PRB4: variants seen among roughly 807,000 people sequenced by gnomAD.
PRB4 encodes basic salivary proline-rich protein 4.
Under a neutral mutation model 9.1 loss-of-function variants are expected in PRB4, and 14 were observed. The ratio of observed to expected loss-of-function variants is 1.54; its 90% confidence interval spans 1.02 to 2.41. The LOEUF is 2.41. PRB4 is among the 30% of genes most tolerant of loss of function. The pLI is 0.00. For synonymous variants in PRB4, 102 were observed against 108.5 expected (o/e 0.94, Z 0.37); for missense variants, 381 against 299.3 (o/e 1.27, Z -2.02).
At position 11,308,870 on chromosome 12, in the gene PRB4, C is replaced by T. The variant is rs150367358; in HGVS notation, c.113G>A (p.Gly38Glu). ...CTGGTTTCCTCCTTGTGGGCGTCGT[C>T]CTTCTGGCTTTCCTGGAGGAGGTGG... is the stretch of plus-strand genomic sequence containing the variant. ...SLFLISGKPE[G>E]RRPQGGNQPQ... Residue 38 changes from glycine (G) to glutamate (E), a missense_variant, in exon 3 of 4, where the codon GGA becomes GAA. Gly to Glu is a moderately conservative substitution (Grantham distance 98, BLOSUM62 -2). Around this residue, in one of 3 missense-constraint regions of PRB4, gnomAD observed 151 missense variants for 105.8 expected, o/e 1.43. Coordinates refer to ENST00000279575, the MANE Select transcript of PRB4 (RefSeq NM_002723.6). 1,036 of 1,562,404 alleles carry T rather than the reference C, an allele frequency of 6.6e-4. 1 individual carries two copies. Among genetic ancestry groups the T allele is most frequent in the Non-Finnish European group, 8.5e-4 (976 of 1,146,072 alleles).
At chr12:11,308,975 A>T (rs1190124712) in intron 2 of PRB4, 93 bp from the exon 3 acceptor site, 6 of 1,527,882 alleles carry the variant, frequency 3.9e-6, no homozygotes, top group Non-Finnish European at 5.4e-6. Context: ...CAAAAATGAG[A>T]CCCAGATACT....
chr12:11,307,591 A>G (rs1446089859), intron 3 of PRB4, among the ~76,000 whole-genome samples: 2 of 152,212 alleles, frequency 1.3e-5, no homozygotes, highest in Non-Finnish European at 2.9e-5. Flanking sequence ...AAGTTATGGC[A>G]TTAGTGGTAG....
At chr12:11,309,479 A>T in intron 1 of PRB4, 74 bp from the exon 2 acceptor site, 1 of 1,612,894 alleles carries the variant, frequency 6.2e-7, no homozygotes. Flanking sequence ...TCTACAGGGA[A>T]AATTGTCTTC....
At position 11,307,595 on chromosome 12, in the gene PRB4, G is replaced by C. The variant is rs1457968603; in HGVS notation, c.*19-396C>G. On this transcript the variant is annotated intron_variant, in intron 3 of 3. Transcript: ENST00000279575. ...TACCTGCATATAAGTTATGGCATTAGTGGTAGGGTAAAAGAATGCTATATG... is the reference window on the plus strand; with the variant it reads ...TACCTGCATATAAGTTATGGCATTACTGGTAGGGTAAAAGAATGCTATATG... Among the ~76,000 whole-genome samples, 3 of 152,172 alleles carry C rather than the reference G, an allele frequency of 2.0e-5. No individual in the cohort carries two copies. The East Asian group carries it at 5.8e-4, about 29-fold the overall frequency.
chr12:11,307,792 G>A (rs984859356), intron 3 of PRB4, among the ~76,000 whole-genome samples: 1 of 152,142 alleles, frequency 6.6e-6, no homozygotes, highest in African/African-American at 2.4e-5. Context: ...GAAAAGTTAA[G>A]TATCTAAAAA....
chr12:11,308,376 G>T lies in PRB4; in HGVS notation c.607C>A (p.Pro203Thr). Residue 203 changes from proline (P) to threonine (T), a missense_variant, in exon 3 of 4, where the codon CCA becomes ACA. Transcript: ENST00000279575. ...CCTCCTGCTGGGGGTGGGCCTTGTG[G>T]CTTTCCAGGAGGTGGGGGACCTTGA... ...KPQGPPPPGK[P>T]QGPPPAGGNP... 2 of 1,602,332 alleles carry T rather than the reference G, an allele frequency of 1.2e-6. No homozygotes were observed. The highest frequency in any genetic ancestry group is 1.7e-6 in the Non-Finnish European group (2 of 1,170,526).
intron 1 of PRB4, 63 bp downstream of exon 1, chr12:11,310,272 A>T: frequency 1.3e-6 from 2 of 1,595,756 alleles, no homozygotes; most frequent in Non-Finnish European, 1.7e-6. Flanking sequence ...TCTTCCCCAT[A>T]ATTACCACTG....
chr12:11,309,373 A>G lies in PRB4; in HGVS notation c.97T>C (p.Ser33Pro), dbSNP rs1374852727. 2.5e-6 allele frequency: 4 copies of G among 1,614,016 alleles called. No homozygotes were observed. Among genetic ancestry groups the G allele is most frequent in the Non-Finnish European group, 2.5e-6 (3 of 1,179,982 alleles). The change falls in exon 2 of 4, where the codon TCA becomes CCA. Residue 33 changes from serine to proline, a missense_variant. By Grantham distance (74) the Ser-to-Pro change is moderately conservative (BLOSUM62 -1). Coordinates refer to ENST00000279575, the MANE Select transcript of PRB4 (RefSeq NM_002723.6). ...VSQEESLFLI[S>P]GKPEGRRPQG... ...TTGAGAATGAATTGGGATTTACCTG[A>G]TATTAGGAAGAGAGATTCTTCCTGG...
At chr12:11,310,314 C>CA (rs1191802123) in intron 1 of PRB4, 21 bp downstream of exon 1, 6 of 1,614,148 alleles carry the variant, frequency 3.7e-6, no homozygotes, top group Non-Finnish European at 5.1e-6. Flanking sequence ...GTCACCGCAT[C>CA]TTTTCCCCCT....
intron 2 of PRB4, 60 bp downstream of exon 2, chr12:11,309,310 T>C (rs1592189892): frequency 2.5e-6 from 4 of 1,612,742 alleles, no homozygotes; most frequent in Admixed American, 3.3e-5. Context: ...ACTGGAGAAA[T>C]GATCCATTTG....
Position 11,308,234 on chromosome 12 carries a change from C to T in PRB4, c.*5G>A. 3 of 1,609,124 alleles carry T rather than the reference C, an allele frequency of 1.9e-6. No individual in the cohort carries two copies. The highest frequency in any genetic ancestry group is 2.5e-6 in the Non-Finnish European group (3 of 1,178,086). On this transcript the variant is annotated 3_prime_UTR_variant, in exon 3 of 4. Coordinates refer to ENST00000279575, the MANE Select transcript of PRB4 (RefSeq NM_002723.6). ...GTGGAATCATACCTGTCATTGAATC[C>T]TAGATTACTGGGGAGGCTGTTGTCC...
intron 1 of PRB4, among the ~76,000 whole-genome samples, chr12:11,309,887 T>TAGTTAGAC (rs1349865791): frequency 6.6e-6 from 1 of 152,162 alleles, no homozygotes; most frequent in African/African-American, 2.4e-5. Flanking sequence ...TCTACATCTT[T>TAGTTAGAC]AGTTAGACAG....
intron 1 of PRB4, 80 bp downstream of exon 1, chr12:11,310,255 T>C: frequency 1.9e-6 from 3 of 1,568,114 alleles, no homozygotes; most frequent in Non-Finnish European, 2.6e-6. Context: ...GTGTTTTCAT[T>C]CTCCTCTCTT....
At chr12:11,310,140 G>C (rs368482474) in intron 1 of PRB4, among the ~76,000 whole-genome samples, 195 bp downstream of exon 1, 5 of 152,098 alleles carry the variant, frequency 3.3e-5, no homozygotes, top group Non-Finnish European at 7.4e-5. Flanking sequence ...GAACAAATTC[G>C]TTATTGGATT....
At position 11,308,282 on chromosome 12, in the gene PRB4, C is replaced by A. The variant is rs1862956288; in HGVS notation, c.701G>T (p.Gly234Val). 1.2e-6 allele frequency: 2 copies of A among 1,608,450 alleles called. No individual in the cohort carries two copies. Among genetic ancestry groups the A allele is most frequent in the Non-Finnish European group, 1.7e-6 (2 of 1,177,598 alleles). The stretch of plus-strand genomic sequence containing the variant: ...TCCCTGGGCAGGTCTGGGTGGCCTG[C>A]CCCCTTGAGGAGGTGGAGGTGGCCC... ...PQGPPPPPQG[G>V]RPPRPAQGQQ... is the part of the protein sequence containing the mutation. The change falls in exon 3 of 4, where the codon GGC becomes GTC. Residue 234 changes from glycine (G) to valine (V), a missense_variant. This residue lies in a region of PRB4 where 204 missense variants were observed against 134.4 expected (regional missense o/e 1.52). Transcript: ENST00000279575.
At chr12:11,310,140 G>T (rs368482474) in intron 1 of PRB4, among the ~76,000 whole-genome samples, 195 bp downstream of exon 1, 4 of 152,216 alleles carry the variant, frequency 2.6e-5, no homozygotes, top group East Asian at 3.9e-4. Context: ...GAACAAATTC[G>T]TTATTGGATT....
chr12:11,309,800 C>G (rs548546727), intron 1 of PRB4, among the ~76,000 whole-genome samples: 3 of 152,286 alleles, frequency 2.0e-5, no homozygotes, highest in African/African-American at 7.2e-5. Flanking sequence ...TCAATACAAT[C>G]TAACCCATTC....
intron 2 of PRB4, 65 bp downstream of exon 2, chr12:11,309,305 A>G (rs1592189883): frequency 6.2e-7 from 1 of 1,612,370 alleles, no homozygotes; most frequent in African/African-American, 1.3e-5. Flanking sequence ...AAGACACTGG[A>G]GAAATGATCC....
intron 1 of PRB4, among the ~76,000 whole-genome samples, 171 bp from the exon 2 acceptor site, chr12:11,309,576 AG>A (rs1863005890): frequency 6.6e-6 from 1 of 152,194 alleles, no homozygotes; most frequent in South Asian, 2.1e-4. Flanking sequence ...AAGAGGAGGC[AG>A]GGTTGTTACC....
Sources: gnomAD v4.1 joint callset for allele counts (sites outside exome capture counted in the v4.1 genomes callset) on GRCh38, gnomAD v4.1.1 for gene constraint, gnomAD v4.1.1 regional missense constraint, MANE v1.5 for transcripts, NCBI Gene and HGNC (gene_info 2026-07-23, HGNC 2026-07-21) for gene names.